The following TPPP variants were observed in gnomAD, a reference collection of about 807,000 sequenced individuals.
TPPP encodes tubulin polymerization promoting protein.
A neutral mutation model predicts 15.5 loss-of-function variants in TPPP; 6 were observed. That is an observed-to-expected ratio of 0.39 (90% CI 0.21 to 0.77). TPPP has a LOEUF of 0.77. Ranked by LOEUF, TPPP falls within the 30% of genes least tolerant of loss-of-function variation. The pLI is 0.42. For synonymous variants in TPPP, 146 were observed against 133.9 expected, an observed-to-expected ratio of 1.09 and a Z score of -0.63; for missense variants, 269 against 307.2, an observed-to-expected ratio of 0.88 and a Z score of 0.93.
chr5:668,482 C>T (rs866622637), intron 2 of TPPP, among the ~76,000 whole-genome samples: 4 of 152,178 alleles, frequency 2.6e-5, no homozygotes, highest in Non-Finnish European at 4.4e-5. Flanking sequence ...GCGTGGGCGC[C>T]GTCAGGGAAG....
At chr5:697,280 G>A (rs1423909097), upstream of TPPP, among the ~76,000 whole-genome samples, 1 of 84,612 alleles carries the variant, frequency 1.2e-5, no homozygotes. Flanking sequence ...ATGAGGAGGG[G>A]AAGCCAAATG....
At chr5:699,637 C>A in the TPPP span, among the ~76,000 whole-genome samples, 2 of 151,960 alleles carry the variant, frequency 1.3e-5, no homozygotes, top group East Asian at 3.9e-4. Flanking sequence ...AACTAGAAAC[C>A]TTCTGCACAG....
upstream of TPPP, among the ~76,000 whole-genome samples, chr5:694,253 T>C (rs1349523467): frequency 2.4e-4 from 36 of 151,634 alleles, no homozygotes; most frequent in Non-Finnish European, 3.7e-4. Flanking sequence ...GGGGCCGAGA[T>C]GACAGGGCGG....
intron 2 of TPPP, among the ~76,000 whole-genome samples, chr5:669,775 G>A (rs1310214325): frequency 2.6e-5 from 4 of 152,088 alleles, no homozygotes; most frequent in African/African-American, 9.7e-5. Flanking sequence ...CCCCACACGG[G>A]CGGGGAGCTC....
chr5:692,546 G>T, intron 1 of TPPP: 1 of 979,904 alleles, frequency 1.0e-6, no homozygotes, highest in Non-Finnish European at 1.2e-6. Context: ...TGCCCGGGAG[G>T]GACAGGCTTC....
intron 2 of TPPP, among the ~76,000 whole-genome samples, chr5:675,042 ACAGTATGGCTGGGGGTG>A (rs1740357779): frequency 5.9e-5 from 2 of 33,648 alleles, no homozygotes; most frequent in African/African-American, 2.6e-4. Flanking sequence ...TGAGGGGGGT[ACAGTATGGCTGGGGGTG>A]CAGTGTGGCC....
chr5:699,420 A>G, the TPPP span, among the ~76,000 whole-genome samples: 1 of 152,104 alleles, frequency 6.6e-6, no homozygotes, highest in African/African-American at 2.4e-5. Context: ...TGGCATATGC[A>G]GCAGAATGAA....
In TPPP at chr5:664,208, G is replaced by A. The variant is rs3749611; in HGVS notation, c.*894C>T. On this transcript the variant is annotated 3_prime_UTR_variant, in exon 4 of 4. Transcript: ENST00000360578. ...CAGGGTGCAGCTAGTGAGGACGGGC[G>A]AACGGGAGGGCCGGGCAGAGGCTCT... is the stretch of plus-strand genomic sequence containing the variant. 30,281 of 152,620 alleles carry A rather than the reference G, an allele frequency of 0.2. 4,011 individuals are homozygous for A. Among genetic ancestry groups the A allele is most frequent in the African/African-American group, 0.38 (15,693 of 41,494 alleles). The allele number at this position is 152,620 out of a possible 1,614,324, so 9.5% of individuals were successfully genotyped here.
chr5:691,445 G>A (rs1387178817), intron 1 of TPPP, among the ~76,000 whole-genome samples: 1 of 66,446 alleles, frequency 1.5e-5, no homozygotes, highest in Non-Finnish European at 3.0e-5. Context: ...CGGGGTGGGC[G>A]GAGGGGCCCA....
chr5:675,332 AGTGTGGCTG>A (rs1740381526), intron 2 of TPPP, among the ~76,000 whole-genome samples: 1 of 36,626 alleles, frequency 2.7e-5, no homozygotes, highest in Non-Finnish European at 4.9e-5. Flanking sequence ...CCGGGGGTGC[AGTGTGGCTG>A]GGGGTGCAGT....
intron 2 of TPPP, among the ~76,000 whole-genome samples, chr5:666,564 G>A (rs1224531085): frequency 1.3e-5 from 2 of 152,326 alleles, no homozygotes; most frequent in South Asian, 2.1e-4. Flanking sequence ...AGGAGGGGCT[G>A]CCGCCCCCGG....
intron 2 of TPPP, among the ~76,000 whole-genome samples, chr5:668,557 T>G (rs973773168): frequency 6.6e-6 from 1 of 152,054 alleles, no homozygotes; most frequent in Admixed American, 6.5e-5. Flanking sequence ...TCAAATAAAC[T>G]GCCGGCACCT....
upstream of TPPP, among the ~76,000 whole-genome samples, chr5:697,755 A>AC (rs1741041047): frequency 6.6e-6 from 1 of 151,676 alleles, no homozygotes; most frequent in Admixed American, 6.6e-5. Context: ...ATTCTACCAA[A>AC]CATATGAAGA....
intron 3 of TPPP, among the ~76,000 whole-genome samples, chr5:665,655 C>A (rs1222443793): frequency 2.1e-5 from 3 of 141,080 alleles, no homozygotes; most frequent in Non-Finnish European, 4.7e-5. Context: ...CAGGACCCCC[C>A]CAGGCCACGC....
At chr5:700,667 C>G in the TPPP span, among the ~76,000 whole-genome samples, 1 of 150,288 alleles carries the variant, frequency 6.7e-6, no homozygotes, top group African/African-American at 2.5e-5. Flanking sequence ...ATAAGGTTTA[C>G]CTAGGTGTGG....
At chr5:675,532 C>A (rs422345) in intron 2 of TPPP, among the ~76,000 whole-genome samples, 625 of 51,108 alleles carry the variant, frequency 0.012, 19 homozygotes, top group African/African-American at 0.041. Context: ...GCAGTGTGGC[C>A]GGGGATGCCG....
At chr5:685,999 G>T (rs911229133) in intron 1 of TPPP, among the ~76,000 whole-genome samples, 2 of 152,222 alleles carry the variant, frequency 1.3e-5, no homozygotes, top group African/African-American at 4.8e-5. Flanking sequence ...TGGGATGGAG[G>T]TGCCAACAGG....
intron 2 of TPPP, among the ~76,000 whole-genome samples, chr5:666,464 G>C (rs1022838727): frequency 6.6e-6 from 1 of 152,220 alleles, no homozygotes; most frequent in South Asian, 2.1e-4. Flanking sequence ...TGCGCCGGGA[G>C]CTGGGGGTCC....
rs1740930783 is a variant in TPPP, at chr5:692,919, G to A, written c.-5+359C>T. 1.2e-5 allele frequency: 11 copies of A among 905,968 alleles called. 1 individual carries two copies. The South Asian group carries it at 2.0e-4, about 17-fold the overall frequency. The allele number at this position is 905,968 out of a possible 1,614,324, so 56.1% of individuals were successfully genotyped here. On this transcript the variant is annotated intron_variant, in intron 1 of 3. Coordinates refer to ENST00000360578, the MANE Select transcript of TPPP (RefSeq NM_007030.3). ...AGGGAAACGGTTCGAGTCCCGAGCT[G>A]GGGAGGGTCTGGAGGGAAGGGCTGC...
Sources: gnomAD v4.1 joint callset for allele counts (sites outside exome capture counted in the v4.1 genomes callset) on GRCh38, gnomAD v4.1.1 for gene constraint, MANE v1.5 for transcripts, NCBI Gene and HGNC (gene_info 2026-07-23, HGNC 2026-07-21) for gene names.